ROBO1: variants seen among roughly 807,000 people sequenced by gnomAD.
The protein encoded by ROBO1 is roundabout homolog 1.
ROBO1 carries 149 observed loss-of-function variants against 195.9 expected under a neutral mutation model. The observed-to-expected ratio is 0.76, with a 90% CI of 0.67 to 0.87. The LOEUF is 0.87. Ranked by LOEUF, ROBO1 falls within the 40% of genes least tolerant of loss-of-function variation. The probability of loss-of-function intolerance (pLI) is 0.00; values close to 1 mark genes in which losing one functional copy is unlikely to be tolerated. For missense variants in ROBO1, 1,933 were observed against 2,068.3 expected, an observed-to-expected ratio of 0.93 and a Z score of 1.27; for synonymous variants, 816 against 733.2, an observed-to-expected ratio of 1.11 and a Z score of -1.82.
chr3:79,560,558 T>TATATATATATATATATAC (rs5850439), intron 2 of ROBO1, among the ~76,000 whole-genome samples: 81 of 129,680 alleles, frequency 6.2e-4, no homozygotes, highest in African/African-American at 9.9e-4. Context: ...TATATATATA[T>TATATATATATATATATAC]ACACATACAC....
intron 3 of ROBO1, among the ~76,000 whole-genome samples, chr3:78,957,717 G>T (rs72906179): frequency 0.084 from 12,745 of 152,188 alleles, 624 homozygotes; most frequent in African/African-American, 0.13. Context: ...CGATTAACAG[G>T]TATCAATTGC....
chr3:79,470,504 A>G (rs1051893660), intron 2 of ROBO1, among the ~76,000 whole-genome samples: 5 of 152,156 alleles, frequency 3.3e-5, no homozygotes, highest in Admixed American at 3.3e-4. Flanking sequence ...GCACATGTAT[A>G]CATATGTAAC....
intron 2 of ROBO1, among the ~76,000 whole-genome samples, chr3:79,156,336 A>G (rs2080857557): frequency 6.6e-6 from 1 of 151,416 alleles, no homozygotes; most frequent in South Asian, 2.1e-4. Context: ...GACATACTGG[A>G]TTATAAGTTT....
At chr3:78,737,308 GA>G (rs770400318) in intron 5 of ROBO1, among the ~76,000 whole-genome samples, 5 of 152,120 alleles carry the variant, frequency 3.3e-5, no homozygotes, top group Non-Finnish European at 7.3e-5. Context: ...GCTTCTTGAA[GA>G]AAATTGGAAT....
At chr3:79,109,249 C>G (rs2079841231) in intron 3 of ROBO1, among the ~76,000 whole-genome samples, 1 of 151,498 alleles carries the variant, frequency 6.6e-6, no homozygotes, top group South Asian at 2.1e-4. Context: ...AATGCAGATG[C>G]TAGCATAAAA....
intron 4 of ROBO1, among the ~76,000 whole-genome samples, chr3:78,864,456 A>G (rs2107047060): frequency 6.6e-6 from 1 of 151,538 alleles, no homozygotes; most frequent in African/African-American, 2.4e-5. Flanking sequence ...ATACATGCAA[A>G]TATATTTTTC....
intron 3 of ROBO1, among the ~76,000 whole-genome samples, chr3:78,952,082 C>T (rs1039627257): frequency 6.6e-6 from 1 of 151,300 alleles, no homozygotes; most frequent in Non-Finnish European, 1.5e-5. Flanking sequence ...TCTTAACAGA[C>T]AGAAAAAACA....
chr3:79,646,923 G>T (rs1393152644), intron 1 of ROBO1, among the ~76,000 whole-genome samples: 5 of 151,884 alleles, frequency 3.3e-5, no homozygotes. Context: ...GAGGGAAAGG[G>T]GATAAAGAAA....
intron 4 of ROBO1, among the ~76,000 whole-genome samples, chr3:78,916,813 T>A (rs2038627821): frequency 6.6e-6 from 1 of 152,096 alleles, no homozygotes; most frequent in South Asian, 2.1e-4. Flanking sequence ...TAGACATTAC[T>A]GTGTGAATTC....
intron 2 of ROBO1, among the ~76,000 whole-genome samples, chr3:79,256,434 G>C (rs1310802931): frequency 6.6e-6 from 1 of 152,054 alleles, no homozygotes; most frequent in African/African-American, 2.4e-5. Flanking sequence ...TTACAAGTTA[G>C]TATTAATAAA....
At chr3:78,638,248 CACAT>C (rs925088733) in intron 22 of ROBO1, among the ~76,000 whole-genome samples, 4 of 135,360 alleles carry the variant, frequency 3.0e-5, no homozygotes, top group African/African-American at 1.1e-4. Flanking sequence ...TGTGTATACA[CACAT>C]ACATATATGT....
chr3:78,685,997 A>C (rs2081042624), intron 9 of ROBO1, 80 bp from the exon 10 acceptor site: 2 of 1,121,420 alleles, frequency 1.8e-6, no homozygotes, highest in Non-Finnish European at 2.5e-6. Flanking sequence ...TTATGCATTT[A>C]CATGTAAAAA....
intron 4 of ROBO1, among the ~76,000 whole-genome samples, chr3:78,806,144 T>C (rs921566833): frequency 6.6e-6 from 1 of 152,028 alleles, no homozygotes; most frequent in African/African-American, 2.4e-5. Flanking sequence ...TTTTAAGTTT[T>C]ATTTTTTTTT....
intron 2 of ROBO1, among the ~76,000 whole-genome samples, chr3:79,438,680 T>C (rs1011992478): frequency 2.0e-5 from 3 of 152,066 alleles, no homozygotes; most frequent in African/African-American, 7.2e-5. Flanking sequence ...AAATTGGTTT[T>C]ATCCCTTCAA....
rs756373558 is a variant in ROBO1 at position 79,248,093 on chromosome 3, T to C, written c.89-122554A>G. ...TCTACTGCAGTTATTAGAGAAGCAGTTGGGAGGAAACTTTGGATAGATTTG... is the reference window on the plus strand; with the variant it reads ...TCTACTGCAGTTATTAGAGAAGCAGCTGGGAGGAAACTTTGGATAGATTTG... On this transcript the variant is annotated intron_variant, in intron 2 of 30. Coordinates refer to ENST00000464233, the MANE Select transcript of ROBO1 (RefSeq NM_002941.4). Among the ~76,000 whole-genome samples the C allele has an allele frequency of 7.9e-5, 12 of 152,096 alleles. No individual in the cohort carries two copies. The South Asian group carries it at 1.5e-3, about 18-fold the overall frequency.
chr3:78,951,820 AT>A (rs2040808253), intron 3 of ROBO1, among the ~76,000 whole-genome samples: 1 of 152,136 alleles, frequency 6.6e-6, no homozygotes, highest in Non-Finnish European at 1.5e-5. Flanking sequence ...GTCACACAAG[AT>A]TTATGATGAG....
At chr3:79,501,632 G>T (rs948664129) in intron 2 of ROBO1, among the ~76,000 whole-genome samples, 1 of 152,148 alleles carries the variant, frequency 6.6e-6, no homozygotes, top group Non-Finnish European at 1.5e-5. Flanking sequence ...AAAAAACTTT[G>T]TCATGCATCT....
chr3:78,610,177 A>C (rs903230256), intron 28 of ROBO1, among the ~76,000 whole-genome samples: 1 of 152,196 alleles, frequency 6.6e-6, no homozygotes, highest in African/African-American at 2.4e-5. Flanking sequence ...GATTTTATAA[A>C]ATCAAGTTTT....
rs369198083 is a variant in ROBO1 at position 79,179,783 on chromosome 3, A to G, written c.89-54244T>C. Among the ~76,000 whole-genome samples the G allele has an allele frequency of 1.3e-4, 20 of 152,352 alleles. No individual in the cohort carries two copies. The East Asian group carries it at 2.9e-3, about 22-fold the overall frequency. ...ATTACATCTGATTATGGGAAACATT[A>G]AGAGTAAACTAATTTTTAATCAGTG... On this transcript the variant is annotated intron_variant, in intron 2 of 30. Transcript: ENST00000464233.
Sources: gnomAD v4.1 joint callset for allele counts (sites outside exome capture counted in the v4.1 genomes callset) on GRCh38, gnomAD v4.1.1 for gene constraint, MANE v1.5 for transcripts, NCBI Gene and HGNC (gene_info 2026-07-23, HGNC 2026-07-21) for gene names.